The following UGGT2 variants were observed in gnomAD, a reference collection of about 807,000 sequenced individuals.
The protein encoded by UGGT2 is UDP-glucose:glycoprotein glucosyltransferase 2.
In UGGT2, 180 loss-of-function variants were observed where a neutral mutation model predicts 192.1. That is an observed-to-expected ratio of 0.94 (90% confidence interval 0.83 to 1.06). The LOEUF (loss-of-function observed/expected upper bound fraction) is 1.06, where lower values mean the gene tolerates loss of function less well. UGGT2 is among the 50% of genes least tolerant of loss of function. The pLI, the probability that UGGT2 is intolerant of heterozygous loss-of-function variation, is 0.00. For synonymous variants in UGGT2, 580 were observed against 591.0 expected, an observed-to-expected ratio of 0.98 and a Z score of 0.27; for missense variants, 1,849 against 1,795.7, an observed-to-expected ratio of 1.03 and a Z score of -0.54.
intron 36 of UGGT2, among the ~76,000 whole-genome samples, chr13:95,852,201 C>T (rs1005262392): frequency 2.0e-5 from 3 of 152,244 alleles, no homozygotes. Flanking sequence ...TTATCTGGAG[C>T]CTCTGTTAAC....
intron 7 of UGGT2, among the ~76,000 whole-genome samples, chr13:95,995,525 A>T (rs2140913960): frequency 6.6e-6 from 1 of 152,270 alleles, no homozygotes; most frequent in South Asian, 2.1e-4. Flanking sequence ...TATGAATCAA[A>T]AATTTCAAGA....
Position 96,043,700 on chromosome 13 carries a change from C to T in UGGT2, c.158+9455G>A, listed in dbSNP as rs190752936. The stretch of plus-strand genomic sequence containing the variant: ...ATTCCATGCAAATGGACACCAAAAG[C>T]GAGCAAGAGTAGCTATTCTTATATG... On this transcript the variant is annotated intron_variant, in intron 1 of 38. Transcript: ENST00000376747. 4.1e-4 allele frequency among the ~76,000 whole-genome samples: 63 copies of T among 151,968 alleles called. 1 individual carries two copies. Among genetic ancestry groups the T allele is most frequent in the South Asian group, 6.2e-4 (3 of 4,814 alleles).
intron 2 of UGGT2, among the ~76,000 whole-genome samples, chr13:96,024,428 T>G (rs1425638957): frequency 6.6e-6 from 1 of 152,214 alleles, no homozygotes; most frequent in East Asian, 1.9e-4. Flanking sequence ...GGCAGAAAAG[T>G]GCAGCCTAGA....
chr13:95,835,890 ATAAG>A (rs1887223858), intron 37 of UGGT2, among the ~76,000 whole-genome samples: 1 of 152,224 alleles, frequency 6.6e-6, no homozygotes, highest in South Asian at 2.1e-4. Context: ...TCTCTTAAAA[ATAAG>A]TAAGAAAAAA....
At chr13:95,829,018 C>T (rs1462731834) in intron 38 of UGGT2, among the ~76,000 whole-genome samples, 2 of 152,138 alleles carry the variant, frequency 1.3e-5, no homozygotes, top group South Asian at 2.1e-4. Flanking sequence ...GTTCAACATA[C>T]ACAAATCAAT....
chr13:95,882,023 C>T (rs1424341430), intron 27 of UGGT2, among the ~76,000 whole-genome samples: 1 of 152,096 alleles, frequency 6.6e-6, no homozygotes, highest in Non-Finnish European at 1.5e-5. Flanking sequence ...ATTCTCCTGC[C>T]TCAGCCTCCT....
chr13:95,824,815 C>CGTGT (rs1272567060), intron 38 of UGGT2, among the ~76,000 whole-genome samples: 2 of 152,030 alleles, frequency 1.3e-5, no homozygotes, highest in Admixed American at 1.3e-4. Context: ...CTGGAGAGAC[C>CGTGT]GTGTGATCTT....
chr13:95,945,692 T>C (rs542204145), intron 15 of UGGT2, among the ~76,000 whole-genome samples: 31 of 152,294 alleles, frequency 2.0e-4, no homozygotes, highest in African/African-American at 7.2e-4. Flanking sequence ...GAATCTTGAA[T>C]CTTAATAAAA....
At chr13:95,980,941 T>A (rs1594499173) in intron 10 of UGGT2, among the ~76,000 whole-genome samples, 1 of 152,192 alleles carries the variant, frequency 6.6e-6, no homozygotes, top group Non-Finnish European at 1.5e-5. Context: ...GAGGCTGCAG[T>A]GAGCCAAGAT....
rs758689986 is a variant in UGGT2, at chr13:95,860,889, A to G, written c.3645-6T>C. 1.3e-6 allele frequency: 2 copies of G among 1,529,652 alleles called. No homozygotes were observed. The highest frequency in any genetic ancestry group is 1.8e-6 in the Non-Finnish European group (2 of 1,135,334). 94.8% of individuals were successfully genotyped at this position (1,529,652 alleles called of 1,614,324 possible). On this transcript the variant is annotated splice_polypyrimidine_tract_variant and splice_region_variant and intron_variant, in intron 31 of 38. Transcript: ENST00000376747. ...TATGCAAGCTTACTGTGAAACTTGG[A>G]ATAAAAAAGTAATTGACATTTCTTA...
intron 36 of UGGT2, among the ~76,000 whole-genome samples, chr13:95,850,283 TAAG>T (rs1347761405): frequency 1.3e-5 from 2 of 152,154 alleles, no homozygotes; most frequent in Admixed American, 1.3e-4. Context: ...AGTATATTCA[TAAG>T]AAGTGGTGAA....
At chr13:95,890,834 A>T in intron 25 of UGGT2, 28 bp downstream of exon 25, 8 of 1,550,224 alleles carry the variant, frequency 5.2e-6, no homozygotes, top group Non-Finnish European at 6.2e-6. Flanking sequence ...AAAAACAAAA[A>T]CATTTAGTCT....
chr13:96,012,763 T>C (rs1037224715), intron 5 of UGGT2, among the ~76,000 whole-genome samples: 3 of 145,468 alleles, frequency 2.1e-5, no homozygotes, highest in South Asian at 2.2e-4. Context: ...TGTGTGTGTG[T>C]GCATGTATGT....
chr13:96,046,928 C>T (rs1238375336), intron 1 of UGGT2, among the ~76,000 whole-genome samples: 1 of 152,174 alleles, frequency 6.6e-6, no homozygotes, highest in African/African-American at 2.4e-5. Flanking sequence ...GGGAGGGGCA[C>T]CCGCCATTGC....
At chr13:95,889,273 A>G (rs574110275) in intron 25 of UGGT2, among the ~76,000 whole-genome samples, 1 of 152,312 alleles carries the variant, frequency 6.6e-6, no homozygotes, top group South Asian at 2.1e-4. Context: ...ATTTGAAGGT[A>G]TAACCAATGC....
rs1171245661 is a variant in UGGT2, at chr13:95,851,079, T to TTTCC, written c.4284+2460_4284+2463dup. ...AATTTGTAAAGTTTCCCCAATTCCA[T>TTTCC]TTCCTTCCTTCCTCCACAGTTGTTG... On this transcript the variant is annotated intron_variant, in intron 36 of 38. Coordinates refer to ENST00000376747, the MANE Select transcript of UGGT2 (RefSeq NM_020121.4). Among the ~76,000 whole-genome samples, 3 of 152,342 alleles carry TTTCC rather than the reference T, an allele frequency of 2.0e-5. No homozygotes were observed. In the East Asian group the frequency reaches 5.8e-4, roughly 29 times the overall value.
intron 5 of UGGT2, among the ~76,000 whole-genome samples, chr13:96,012,332 T>TA (rs1469621239): frequency 6.6e-6 from 1 of 151,948 alleles, no homozygotes; most frequent in Non-Finnish European, 1.5e-5. Flanking sequence ...CTTCAACTCT[T>TA]ACAAGAGAAT....
intron 1 of UGGT2, among the ~76,000 whole-genome samples, chr13:96,035,514 T>A (rs1417649696): frequency 6.6e-6 from 1 of 152,208 alleles, no homozygotes; most frequent in African/African-American, 2.4e-5. Context: ...AATGATTTCA[T>A]GACAAAAATG....
rs117594419 is a variant in UGGT2 at position 95,864,916 on chromosome 13, A to C, written c.3559-1202T>G. ...CTTCAGAAACTAACATTTTACCTTC[A>C]CATTTGATTAAGAATTTGGCTAGAT... On this transcript the variant is annotated intron_variant, in intron 30 of 38. Transcript: ENST00000376747. 2.8e-4 allele frequency among the ~76,000 whole-genome samples: 43 copies of C among 152,300 alleles called. 1 individual carries two copies. The East Asian group carries it at 6.9e-3, about 25-fold the overall frequency.
Sources: gnomAD v4.1 joint callset for allele counts (sites outside exome capture counted in the v4.1 genomes callset) on GRCh38, gnomAD v4.1.1 for gene constraint, MANE v1.5 for transcripts, NCBI Gene and HGNC (gene_info 2026-07-23, HGNC 2026-07-21) for gene names.